Variants in RPS6KC1 observed in about 807,000 individuals in gnomAD.
RPS6KC1 encodes ribosomal protein S6 kinase C1, also known as inactive ribosomal protein S6 kinase delta-1.
Under a neutral mutation model 103.8 loss-of-function variants are expected in RPS6KC1, and 54 were observed. That is an observed-to-expected ratio of 0.52 (90% CI 0.42 to 0.65). RPS6KC1 has a LOEUF of 0.65. RPS6KC1 is among the 30% of genes least tolerant of loss of function. The pLI is 0.00. For missense variants in RPS6KC1, 1,151 were observed against 1,253.8 expected (o/e 0.92, Z 1.24); for synonymous variants, 439 against 438.7 (o/e 1.00, Z -0.01).
rs1553378415 is a variant in RPS6KC1 at position 213,205,536 on chromosome 1, T to TTATTTATATATATATATA, written c.1045-24958_1045-24957insTTATATATATATATATAT. 3.6e-5 allele frequency: 3 copies of TTATTTATATATATATATA among 82,318 alleles called. No homozygotes were observed. The East Asian group carries it at 1.0e-3, about 28-fold the overall frequency. 5.1% of individuals were successfully genotyped at this position (82,318 alleles called of 1,614,324 possible). ...ATAATGTTAATAACAACAAACTCAT[T>TTATTTATATATATATATA]TATATATATAGATATATATATATAT... On this transcript the variant is annotated intron_variant, in intron 8 of 14. Coordinates refer to ENST00000366960, the MANE Select transcript of RPS6KC1 (RefSeq NM_012424.6).
At chr1:213,226,140 G>A (rs1468505108) in intron 8 of RPS6KC1, among the ~76,000 whole-genome samples, 1 of 150,926 alleles carries the variant, frequency 6.6e-6, no homozygotes, top group Non-Finnish European at 1.5e-5. Context: ...GGAGAATGGC[G>A]TGAACCCGGG....
At chr1:213,572,967 T>C in the RPS6KC1 span, among the ~76,000 whole-genome samples, 1 of 152,128 alleles carries the variant, frequency 6.6e-6, no homozygotes, top group Non-Finnish European at 1.5e-5. Context: ...GGTCCCTTTG[T>C]GCCCTGATAT....
intron 6 of RPS6KC1, among the ~76,000 whole-genome samples, chr1:213,160,404 A>G (rs1454604380): frequency 6.6e-6 from 1 of 152,242 alleles, no homozygotes; most frequent in Non-Finnish European, 1.5e-5. Context: ...AAATCAAAAT[A>G]TAGATTCTCC....
chr1:213,064,597 A>AC (rs1294212450), intron 1 of RPS6KC1, among the ~76,000 whole-genome samples: 3 of 147,218 alleles, frequency 2.0e-5, no homozygotes, highest in African/African-American at 7.6e-5. Context: ...TGAATTCCTG[A>AC]CCTCAGGTGA....
intron 7 of RPS6KC1, among the ~76,000 whole-genome samples, chr1:213,168,730 C>T (rs1244733646): frequency 2.0e-5 from 3 of 152,112 alleles, no homozygotes; most frequent in Non-Finnish European, 4.4e-5. Context: ...TCACGCCATT[C>T]TCCTGCCTCA....
intron 8 of RPS6KC1, among the ~76,000 whole-genome samples, chr1:213,225,348 A>G (rs1279587074): frequency 6.6e-6 from 1 of 152,086 alleles, no homozygotes; most frequent in Non-Finnish European, 1.5e-5. Flanking sequence ...AAGAAAGTAA[A>G]TATAAACAAA....
Position 213,051,372 on chromosome 1 carries a change from G to A in RPS6KC1, c.-33G>A. The stretch of plus-strand genomic sequence containing the variant: ...CGCCGGGTTTCCCTCATGATCCCGG[G>A]CGGGTGGCGGCGGCGGCAGAGGCGG... On this transcript the variant is annotated 5_prime_UTR_variant, in exon 1 of 15. Coordinates refer to ENST00000366960, the MANE Select transcript of RPS6KC1 (RefSeq NM_012424.6). 1 of 1,535,288 alleles carries A rather than the reference G, an allele frequency of 6.5e-7. No homozygotes were observed. The highest frequency in any genetic ancestry group is 1.4e-5 in the African/African-American group (1 of 73,268).
intron 12 of RPS6KC1, among the ~76,000 whole-genome samples, chr1:213,249,655 G>T (rs1285890991): frequency 1.3e-5 from 2 of 152,178 alleles, no homozygotes; most frequent in African/African-American, 2.4e-5. Context: ...ACTCAGAATG[G>T]AGTTGTTGTG....
the RPS6KC1 span, among the ~76,000 whole-genome samples, chr1:213,677,079 A>G: frequency 0.34 from 52,372 of 152,122 alleles, 9,440 homozygotes; most frequent in East Asian, 0.57. Context: ...TCCAGCACTT[A>G]CAGACCAGGT....
chr1:213,230,664 G>A (rs1292196273), intron 9 of RPS6KC1, 120 bp downstream of exon 9: 13 of 524,118 alleles, frequency 2.5e-5, no homozygotes, highest in African/African-American at 2.4e-4. Context: ...GTGAAACCCC[G>A]TTTCTACTAA....
chr1:213,113,444 A>G (rs1253602310), intron 4 of RPS6KC1, among the ~76,000 whole-genome samples: 1 of 150,956 alleles, frequency 6.6e-6, no homozygotes, highest in Middle Eastern at 3.2e-3. Flanking sequence ...AGTTCATTGT[A>G]GATTCTGGAT....
the RPS6KC1 span, among the ~76,000 whole-genome samples, chr1:213,628,371 A>G: frequency 6.6e-6 from 1 of 152,112 alleles, no homozygotes; most frequent in Non-Finnish European, 1.5e-5. Context: ...TCAAAAAACC[A>G]GCTCCTGGAT....
chr1:213,314,337 T>C, the RPS6KC1 span, among the ~76,000 whole-genome samples: 449 of 152,320 alleles, frequency 2.9e-3, 2 homozygotes, highest in African/African-American at 0.011. Context: ...GACTTCAACA[T>C]AGCTTTCTGG....
At chr1:213,122,668 T>C (rs2084528755) in intron 5 of RPS6KC1, among the ~76,000 whole-genome samples, 1 of 152,158 alleles carries the variant, frequency 6.6e-6, no homozygotes, top group Admixed American at 6.6e-5. Flanking sequence ...GGTGGCACCA[T>C]AAGAACTCTA....
intron 8 of RPS6KC1, among the ~76,000 whole-genome samples, chr1:213,208,573 C>T (rs1372104624): frequency 6.6e-6 from 1 of 152,106 alleles, no homozygotes; most frequent in Non-Finnish European, 1.5e-5. Flanking sequence ...TCAGTATCTG[C>T]ATGTTTTATC....
At chr1:213,548,817 T>C in the RPS6KC1 span, among the ~76,000 whole-genome samples, 1 of 152,248 alleles carries the variant, frequency 6.6e-6, no homozygotes, top group Admixed American at 6.5e-5. Context: ...ATTATAATTC[T>C]TGGAACTGTA....
At chr1:213,553,368 A>G in the RPS6KC1 span, among the ~76,000 whole-genome samples, 3 of 152,346 alleles carry the variant, frequency 2.0e-5, no homozygotes, top group East Asian at 5.8e-4. Context: ...ATAGTATCCC[A>G]TGGTGTATAT....
the RPS6KC1 span, among the ~76,000 whole-genome samples, chr1:213,834,607 T>A: frequency 6.6e-6 from 1 of 152,088 alleles, no homozygotes; most frequent in African/African-American, 2.4e-5. Context: ...ACTAACAACC[T>A]ATTCTTAAAA....
chr1:213,384,018 T>A, the RPS6KC1 span, among the ~76,000 whole-genome samples: 1 of 152,332 alleles, frequency 6.6e-6, no homozygotes, highest in East Asian at 1.9e-4. Context: ...GGCTCACGCC[T>A]GTAATCCCAG....
Sources: gnomAD v4.1 joint callset for allele counts (sites outside exome capture counted in the v4.1 genomes callset) on GRCh38, gnomAD v4.1.1 for gene constraint, MANE v1.5 for transcripts, NCBI Gene and HGNC (gene_info 2026-07-23, HGNC 2026-07-21) for gene names.